Variants in LDLRAD3 observed in about 807,000 individuals in gnomAD.
The protein encoded by LDLRAD3 is low density lipoprotein receptor class A domain containing 3.
A neutral mutation model predicts 29.4 loss-of-function variants in LDLRAD3; 20 were observed. The ratio of observed to expected loss-of-function variants is 0.68; its 90% CI spans 0.48 to 0.99. The LOEUF (loss-of-function observed/expected upper bound fraction) is 0.99. LDLRAD3 is among the 50% of genes least tolerant of loss of function. The probability of loss-of-function intolerance (pLI) is 0.00; values close to 1 mark genes in which losing one functional copy is unlikely to be tolerated. For missense variants in LDLRAD3, 420 were observed against 454.3 expected (o/e 0.92, Z 0.69); for synonymous variants, 157 against 192.7 (o/e 0.81, Z 1.53).
rs370722393 is a variant in LDLRAD3 at position 35,957,616 on chromosome 11, A to G, written c.46+13472A>G. Among the ~76,000 whole-genome samples the G allele has an allele frequency of 1.3e-4, 20 of 152,232 alleles. No homozygotes were observed. In the South Asian group the frequency reaches 3.9e-3, roughly 30 times the overall value. ...GTTTGGGCTGGGCAGCCTGGGCAAC[A>G]TGGCGAAACCTCGTCACTACTAAAA... On this transcript the variant is annotated intron_variant, in intron 1 of 5. Coordinates refer to ENST00000315571, the MANE Select transcript of LDLRAD3 (RefSeq NM_174902.4).
At chr11:35,972,740 A>G (rs902417005) in intron 1 of LDLRAD3, 3 of 152,206 alleles carry the variant, frequency 2.0e-5, no homozygotes, top group Non-Finnish European at 4.4e-5. Flanking sequence ...ATGCAATCGT[A>G]TGGTTCAACA....
intron 5 of LDLRAD3, 114 bp downstream of exon 5, chr11:36,227,544 T>C: frequency 1.3e-6 from 1 of 752,016 alleles, no homozygotes; most frequent in South Asian, 2.1e-5. Flanking sequence ...TCAGCTGCTA[T>C]AGGCAGTGGC....
intron 4 of LDLRAD3, among the ~76,000 whole-genome samples, chr11:36,219,702 C>A (rs4611176): frequency 0.067 from 10,234 of 152,258 alleles, 451 homozygotes; most frequent in East Asian, 0.2. Flanking sequence ...TATAAGACTT[C>A]TTCTAAACAA....
intron 4 of LDLRAD3, among the ~76,000 whole-genome samples, chr11:36,198,987 G>T (rs1312921939): frequency 7.9e-5 from 12 of 152,008 alleles, no homozygotes; most frequent in South Asian, 6.2e-4. Flanking sequence ...TGCAAGCTCC[G>T]CCTCCGGGGT....
chr11:36,185,966 T>A (rs139848816), intron 4 of LDLRAD3, among the ~76,000 whole-genome samples: 460 of 152,264 alleles, frequency 3.0e-3, no homozygotes, highest in Non-Finnish European at 5.2e-3. Context: ...CTTGACATTT[T>A]TATATATTAG....
At position 36,149,736 on chromosome 11, in the gene LDLRAD3, G is replaced by A. The variant is rs151093521; in HGVS notation, c.454+51275G>A. On this transcript the variant is annotated intron_variant, in intron 4 of 5. Coordinates refer to ENST00000315571, the MANE Select transcript of LDLRAD3 (RefSeq NM_174902.4). ...CATCTCCTGGGGCTTGGTGACCAGG[G>A]TATGAGGGCACTGAACACAGTGCCA... Among the ~76,000 whole-genome samples the A allele has an allele frequency of 9.7e-4, 147 of 152,302 alleles. 4 individuals carry two copies. In the East Asian group the frequency reaches 0.026, roughly 27 times the overall value.
chr11:36,089,552 CAA>C (rs1853246329), intron 3 of LDLRAD3, among the ~76,000 whole-genome samples: 1 of 152,074 alleles, frequency 6.6e-6, no homozygotes, highest in Non-Finnish European at 1.5e-5. Flanking sequence ...CTCAGACTCC[CAA>C]GTAGCTGGGA....
intron 1 of LDLRAD3, among the ~76,000 whole-genome samples, chr11:35,989,231 GTGTC>G (rs1851657564): frequency 6.6e-6 from 1 of 152,126 alleles, no homozygotes; most frequent in Non-Finnish European, 1.5e-5. Flanking sequence ...ATTGGTTTAT[GTGTC>G]TGTCTTTGTA....
At chr11:36,032,916 C>A (rs971370637) in intron 1 of LDLRAD3, among the ~76,000 whole-genome samples, 11 of 151,928 alleles carry the variant, frequency 7.2e-5, no homozygotes, top group Non-Finnish European at 1.3e-4. Context: ...CTCTTGTTGC[C>A]CAGGCTGGAG....
At chr11:35,945,983 G>A (rs1194022425) in intron 1 of LDLRAD3, among the ~76,000 whole-genome samples, 8 of 152,200 alleles carry the variant, frequency 5.3e-5, no homozygotes, top group Non-Finnish European at 8.8e-5. Context: ...TTATCTGTGG[G>A]CTTTGAATTA....
Position 36,172,324 on chromosome 11 carries a change from C to T in LDLRAD3, c.455-54761C>T, listed in dbSNP as rs529016724. ...TTGACAATTTGGATGCCCTTTATTTCGTTCTCTTGTTTGATTGCTCTGGCT... is the reference window on the plus strand; with the variant it reads ...TTGACAATTTGGATGCCCTTTATTTTGTTCTCTTGTTTGATTGCTCTGGCT... On this transcript the variant is annotated intron_variant, in intron 4 of 5. Coordinates refer to ENST00000315571, the MANE Select transcript of LDLRAD3 (RefSeq NM_174902.4). Among the ~76,000 whole-genome samples the T allele has an allele frequency of 1.1e-3, 164 of 151,590 alleles. 1 individual carries two copies. Among genetic ancestry groups the T allele is most frequent in the Non-Finnish European group, 1.7e-3 (115 of 67,976 alleles).
intron 1 of LDLRAD3, among the ~76,000 whole-genome samples, chr11:35,954,753 C>A (rs1410688240): frequency 1.3e-5 from 2 of 152,082 alleles, no homozygotes; most frequent in African/African-American, 2.4e-5. Context: ...GAAAAAGAGG[C>A]CTTTGAGAGG....
chr11:36,137,117 AT>A (rs1854015762), intron 4 of LDLRAD3, among the ~76,000 whole-genome samples: 2 of 152,330 alleles, frequency 1.3e-5, no homozygotes, highest in Admixed American at 1.3e-4. Flanking sequence ...CAGCATAGAT[AT>A]TAGGAAGAGG....
intron 3 of LDLRAD3, 131 bp from the exon 4 acceptor site, chr11:36,098,196 T>TTGC: frequency 8.9e-7 from 1 of 1,120,808 alleles, no homozygotes; most frequent in South Asian, 1.5e-5. Flanking sequence ...AGCATGGGCT[T>TTGC]TGAGTCTGCC....
intron 4 of LDLRAD3, among the ~76,000 whole-genome samples, chr11:36,177,260 T>A (rs1412241089): frequency 6.6e-6 from 1 of 152,234 alleles, no homozygotes; most frequent in Admixed American, 6.5e-5. Context: ...GTTTTCACCT[T>A]TCTCTGGTGC....
intron 3 of LDLRAD3, among the ~76,000 whole-genome samples, chr11:36,096,872 G>C (rs1853368676): frequency 6.6e-6 from 1 of 152,260 alleles, no homozygotes; most frequent in Non-Finnish European, 1.5e-5. Context: ...CTGAGGCTCA[G>C]AGAGGTGAAG....
chr11:36,161,030 G>A (rs539297057), intron 4 of LDLRAD3, among the ~76,000 whole-genome samples: 39 of 152,258 alleles, frequency 2.6e-4, no homozygotes, highest in African/African-American at 9.1e-4. Flanking sequence ...CCTGACCTCA[G>A]GTGATCTGCC....
At chr11:36,093,314 TAATAA>T (rs1468273405) in intron 3 of LDLRAD3, among the ~76,000 whole-genome samples, 5 of 152,206 alleles carry the variant, frequency 3.3e-5, no homozygotes, top group Non-Finnish European at 4.4e-5. Flanking sequence ...AATTTTAAAA[TAATAA>T]AATATTACCA....
At chr11:36,136,775 C>G (rs933832557) in intron 4 of LDLRAD3, among the ~76,000 whole-genome samples, 2 of 152,026 alleles carry the variant, frequency 1.3e-5, no homozygotes, top group African/African-American at 4.8e-5. Flanking sequence ...ACGGTTACCC[C>G]TGTCTCCTGA....
Sources: allele counts gnomAD v4.1 joint callset (sites outside exome capture counted in the v4.1 genomes callset), GRCh38; gene constraint gnomAD v4.1.1; transcripts MANE v1.5; gene names NCBI Gene and HGNC (gene_info 2026-07-23, HGNC 2026-07-21).